Variants in ZNF77 observed in about 807,000 individuals in gnomAD.
ZNF77 encodes zinc finger protein 77, also known as ZNFpT1.
In ZNF77, 15 loss-of-function variants were observed where a neutral mutation model predicts 13.5. The observed-to-expected ratio is 1.11, with a 90% CI of 0.74 to 1.71. The LOEUF (loss-of-function observed/expected upper bound fraction) is 1.71, where lower values mean the gene tolerates loss of function less well. Among genes scored for constraint, ZNF77 ranks in the 40% most tolerant of loss-of-function variants. The probability of loss-of-function intolerance (pLI) is 0.00; values close to 1 mark genes in which losing one functional copy is unlikely to be tolerated. For missense variants in ZNF77, 717 were observed against 676.4 expected (o/e 1.06, Z -0.67); for synonymous variants, 282 against 250.0 (o/e 1.13, Z -1.21).
chr19:2,943,340 TAA>T (rs1406118252), intron 1 of ZNF77, among the ~76,000 whole-genome samples: 1 of 152,004 alleles, frequency 6.6e-6, no homozygotes, highest in Non-Finnish European at 1.5e-5. Flanking sequence ...TCCTTTTTCA[TAA>T]AAGTTTCCTT....
intron 1 of ZNF77, among the ~76,000 whole-genome samples, chr19:2,940,475 C>T (rs1476311862): frequency 6.6e-6 from 1 of 151,902 alleles, no homozygotes; most frequent in Non-Finnish European, 1.5e-5. Context: ...GAGATCAAGA[C>T]CATCCTGGCC....
chr19:2,938,881 G>A (rs188113995), intron 2 of ZNF77, among the ~76,000 whole-genome samples: 8 of 152,088 alleles, frequency 5.3e-5, no homozygotes, highest in South Asian at 2.1e-4. Context: ...GCATGAACCC[G>A]GGAGGCGGAG....
intron 1 of ZNF77, among the ~76,000 whole-genome samples, chr19:2,940,540 G>A (rs1265258762): frequency 6.6e-6 from 1 of 152,104 alleles, no homozygotes; most frequent in African/African-American, 2.4e-5. Context: ...GGGCGTGGTG[G>A]CACACGCCTG....
chr19:2,937,049 C>T (rs1463816857), intron 2 of ZNF77, among the ~76,000 whole-genome samples: 1 of 151,930 alleles, frequency 6.6e-6, no homozygotes, highest in Non-Finnish European at 1.5e-5. Context: ...ATTAGCCAGG[C>T]GTGGTGTTGT....
rs372777520 is a variant in ZNF77, at chr19:2,934,092, C to T, written c.1035G>A (p.Thr345=). The change falls in exon 4 of 4, where the codon ACG becomes ACA. Residue 345 remains threonine, a synonymous_variant. Transcript: ENST00000314531. ...ATTCATAGGGTTTCTCTCCACTGTGCGTTCTCCCATGTTCTCGAAGAGACG... is the reference window on the plus strand; with the variant it reads ...ATTCATAGGGTTTCTCTCCACTGTGTGTTCTCCCATGTTCTCGAAGAGACG... The part of the protein sequence containing the change: ...CYSSLREHGR[T]HSGEKPYECK... 7.4e-6 allele frequency: 12 copies of T among 1,613,652 alleles called. No individual in the cohort carries two copies. Among genetic ancestry groups the T allele is most frequent in the South Asian group, 3.3e-5 (3 of 91,058 alleles).
At chr19:2,935,045 G>C (rs923437882) in intron 3 of ZNF77, among the ~76,000 whole-genome samples, 1 of 152,114 alleles carries the variant, frequency 6.6e-6, no homozygotes, top group East Asian at 1.9e-4. Flanking sequence ...TTGAGATGGA[G>C]TCTCGCTCTG....
chr19:2,944,395 G>C (rs942495972), intron 1 of ZNF77, among the ~76,000 whole-genome samples: 1 of 120,740 alleles, frequency 8.3e-6, no homozygotes, highest in African/African-American at 3.3e-5. Flanking sequence ...CCCTCAAACT[G>C]TCCCCGAGTT....
Position 2,934,749 on chromosome 19 carries a change from A to C in ZNF77, c.378T>G (p.Thr126=). 1 of 1,614,158 alleles carries C rather than the reference A, an allele frequency of 6.2e-7. No homozygotes were observed. Among genetic ancestry groups the C allele is most frequent in the Non-Finnish European group, 8.5e-7 (1 of 1,180,012 alleles). ...GHQCGETLSQ[T]ANLLVHKSYP... is the part of the protein sequence containing the mutation. ...AACTCTTGTGCACAAGAAGGTTCGC[A>C]GTCTGGCTCAAGGTCTCTCCGCATT... The change falls in exon 4 of 4, where the codon ACT becomes ACG. Residue 126 remains threonine, a synonymous_variant. Transcript: ENST00000314531.
At chr19:2,938,919 G>T (rs892092918) in intron 2 of ZNF77, among the ~76,000 whole-genome samples, 9 of 151,368 alleles carry the variant, frequency 5.9e-5, no homozygotes, top group Non-Finnish European at 1.2e-4. Flanking sequence ...TCGTGCCACT[G>T]CACTCCAGCT....
At chr19:2,940,740 T>C (rs1420460719) in intron 1 of ZNF77, among the ~76,000 whole-genome samples, 1 of 151,522 alleles carries the variant, frequency 6.6e-6, no homozygotes, top group Non-Finnish European at 1.5e-5. Context: ...AAGCCTACCA[T>C]TACACATCAT....
chr19:2,941,136 C>G (rs2088444971), intron 1 of ZNF77, among the ~76,000 whole-genome samples: 1 of 144,660 alleles, frequency 6.9e-6, no homozygotes, highest in African/African-American at 2.6e-5. Flanking sequence ...GATGTCACCA[C>G]TGCACTCCAG....
intron 2 of ZNF77, among the ~76,000 whole-genome samples, chr19:2,938,842 G>A (rs1247101404): frequency 6.6e-6 from 1 of 151,984 alleles, no homozygotes; most frequent in Non-Finnish European, 1.5e-5. Context: ...TGTAGTCCCA[G>A]CTATTCAGGA....
Position 2,934,508 on chromosome 19 carries a change from TGA to T in ZNF77, c.617_618del (p.Leu206GlnfsTer3). On this transcript the variant is annotated frameshift_variant, in exon 4 of 4. Coordinates refer to ENST00000314531, the MANE Select transcript of ZNF77 (RefSeq NM_021217.3). LOFTEE classifies it low-confidence loss of function (END_TRUNC). ...RTASVTYVKS[L>X]SSKKSYECQK... ...TGACATTCATAAGACTTTTTACTGCTGAGACTTTTCACGTATGTCACAGATGC... is the reference window on the plus strand; with the variant it reads ...TGACATTCATAAGACTTTTTACTGCTGACTTTTCACGTATGTCACAGATGC... The T allele has an allele frequency of 6.2e-7, 1 of 1,614,264 alleles. No individual in the cohort carries two copies. Among genetic ancestry groups the T allele is most frequent in the Non-Finnish European group, 8.5e-7 (1 of 1,180,054 alleles).
At chr19:2,941,006 C>G (rs2088443916) in intron 1 of ZNF77, among the ~76,000 whole-genome samples, 1 of 151,682 alleles carries the variant, frequency 6.6e-6, no homozygotes, top group Non-Finnish European at 1.5e-5. Context: ...GAAACCCTGT[C>G]TCTACAAAAA....
At chr19:2,941,205 A>T (rs367555861) in intron 1 of ZNF77, among the ~76,000 whole-genome samples, 2 of 138,586 alleles carry the variant, frequency 1.4e-5, no homozygotes, top group African/African-American at 5.4e-5. Flanking sequence ...AGGCTGGGTG[A>T]GGTGGCTCAC....
chr19:2,938,176 C>T (rs72984689), intron 2 of ZNF77, among the ~76,000 whole-genome samples: 1 of 152,192 alleles, frequency 6.6e-6, no homozygotes, highest in Non-Finnish European at 1.5e-5. Flanking sequence ...GGAGTCCTTC[C>T]TCCACTATGC....
intron 2 of ZNF77, 52 bp from the exon 3 acceptor site, chr19:2,936,756 A>C: frequency 6.6e-7 from 1 of 1,517,246 alleles, no homozygotes; most frequent in East Asian, 2.3e-5. Context: ...GGGATAAAGG[A>C]AATAGACCAC....
At chr19:2,941,464 G>A (rs777846758) in intron 1 of ZNF77, among the ~76,000 whole-genome samples, 1 of 151,892 alleles carries the variant, frequency 6.6e-6, no homozygotes, top group African/African-American at 2.4e-5. Flanking sequence ...GTGACAGAGT[G>A]AGACTGTCTC....
chr19:2,943,050 G>C (rs1002038047), intron 1 of ZNF77, among the ~76,000 whole-genome samples: 3 of 151,998 alleles, frequency 2.0e-5, no homozygotes, highest in African/African-American at 7.3e-5. Context: ...CCAAAGTGCT[G>C]GGAGTACAGG....
Sources: allele counts gnomAD v4.1 joint callset (sites outside exome capture counted in the v4.1 genomes callset), GRCh38; gene constraint gnomAD v4.1.1; transcripts MANE v1.5; gene names NCBI Gene and HGNC (gene_info 2026-07-23, HGNC 2026-07-21).